Variants in STXBP4 observed in about 807,000 individuals in gnomAD.
STXBP4 encodes syntaxin-binding protein 4.
Under a neutral mutation model 76.1 loss-of-function variants are expected in STXBP4, and 55 were observed. That is an observed-to-expected ratio of 0.72 (90% CI 0.58 to 0.91). The LOEUF is 0.91. STXBP4 is among the 40% of genes least tolerant of loss of function. The pLI is 0.00. For synonymous variants in STXBP4, 201 were observed against 220.2 expected, an observed-to-expected ratio of 0.91 and a Z score of 0.77; for missense variants, 618 against 636.9, an observed-to-expected ratio of 0.97 and a Z score of 0.32.
chr17:55,139,132 G>A (rs2080067070), intron 16 of STXBP4, among the ~76,000 whole-genome samples: 1 of 152,032 alleles, frequency 6.6e-6, no homozygotes, highest in Non-Finnish European at 1.5e-5. Flanking sequence ...CTGTGAATTA[G>A]TACCTTTATA....
chr17:55,081,117 C>A lies in STXBP4; in HGVS notation c.1423C>A (p.Pro475Thr). ...ACTGGGAAGGAATGGACGTAGCATC[C>A]CAGCAACGCTGGCGCTTGAATCTAA... is the stretch of plus-strand genomic sequence containing the variant. The part of the protein sequence containing the change: ...TPLGRNGRSI[P>T]ATLALESKEL... The change falls in exon 16 of 18, where the codon CCA becomes ACA. Residue 475 changes from proline (P) to threonine (T), a missense_variant. Physicochemically the swap from Pro to Thr is conservative, Grantham distance 38. Transcript: ENST00000376352. The A allele has an allele frequency of 6.4e-7, 1 of 1,556,526 alleles. No homozygotes were observed. Among genetic ancestry groups the A allele is most frequent in the Non-Finnish European group, 8.7e-7 (1 of 1,155,222 alleles).
At chr17:55,202,578 G>C in the STXBP4 span, among the ~76,000 whole-genome samples, 2 of 151,984 alleles carry the variant, frequency 1.3e-5, no homozygotes, top group Non-Finnish European at 2.9e-5. Flanking sequence ...GTAGTAAGAG[G>C]AATAAAACTG....
intron 8 of STXBP4, among the ~76,000 whole-genome samples, chr17:55,013,408 A>G (rs1457988817): frequency 1.3e-5 from 2 of 152,240 alleles, no homozygotes; most frequent in South Asian, 2.1e-4. Flanking sequence ...ATTACTGTAT[A>G]TAATGGCCTG....
intron 1 of STXBP4, among the ~76,000 whole-genome samples, chr17:54,985,217 C>T (rs1440846807): frequency 2.0e-5 from 3 of 152,156 alleles, no homozygotes; most frequent in Non-Finnish European, 4.4e-5. Flanking sequence ...CCTACTGTAC[C>T]TCTGTAGAAA....
chr17:55,147,442 C>T (rs2080170026), intron 17 of STXBP4, among the ~76,000 whole-genome samples: 1 of 152,206 alleles, frequency 6.6e-6, no homozygotes. Flanking sequence ...GAGCTCCTAA[C>T]AGGTCATGTA....
chr17:55,211,819 T>G, the STXBP4 span, among the ~76,000 whole-genome samples: 4 of 132,064 alleles, frequency 3.0e-5, no homozygotes, highest in African/African-American at 1.2e-4. Context: ...TTTTTTTTTT[T>G]TTTTTTTTTG....
chr17:55,159,087 A>G (rs1056552472), intron 17 of STXBP4, among the ~76,000 whole-genome samples: 1 of 152,218 alleles, frequency 6.6e-6, no homozygotes, highest in African/African-American at 2.4e-5. Flanking sequence ...TCTACTAATA[A>G]TACAAAAATT....
chr17:55,136,161 A>G (rs1040845729), intron 16 of STXBP4, among the ~76,000 whole-genome samples: 10 of 152,216 alleles, frequency 6.6e-5, no homozygotes, highest in Non-Finnish European at 1.3e-4. Context: ...AGTAGAAAGC[A>G]CTATGTAAAC....
At chr17:55,072,501 T>A (rs950112304) in intron 12 of STXBP4, among the ~76,000 whole-genome samples, 17 of 152,176 alleles carry the variant, frequency 1.1e-4, no homozygotes, top group African/African-American at 3.9e-4. Context: ...TACAAATCTC[T>A]CAGCAGCATC....
At chr17:55,098,895 A>G (rs989620741) in intron 16 of STXBP4, among the ~76,000 whole-genome samples, 2 of 152,192 alleles carry the variant, frequency 1.3e-5, no homozygotes, top group Admixed American at 1.3e-4. Flanking sequence ...CTTTACCACA[A>G]TTAGCTAACA....
intron 8 of STXBP4, among the ~76,000 whole-genome samples, chr17:55,009,801 C>A (rs1461002192): frequency 6.6e-6 from 1 of 151,940 alleles, no homozygotes; most frequent in Admixed American, 6.6e-5. Flanking sequence ...CATCTATCCA[C>A]CCAAATTATT....
chr17:55,055,667 A>G (rs900438715), intron 12 of STXBP4, among the ~76,000 whole-genome samples: 2 of 152,196 alleles, frequency 1.3e-5, no homozygotes, highest in Non-Finnish European at 2.9e-5. Context: ...GAGGGCCTAC[A>G]TGACCTGCTG....
chr17:55,040,354 G>A (rs1236598663), intron 10 of STXBP4, among the ~76,000 whole-genome samples: 1 of 152,102 alleles, frequency 6.6e-6, no homozygotes, highest in East Asian at 1.9e-4. Flanking sequence ...AAAGAGAAAA[G>A]AAGATACCCA....
intron 8 of STXBP4, among the ~76,000 whole-genome samples, chr17:55,014,352 G>C (rs959607194): frequency 2.0e-5 from 3 of 152,126 alleles, no homozygotes; most frequent in Non-Finnish European, 4.4e-5. Context: ...CCCTGCTTTT[G>C]CTAGAATGTC....
chr17:55,156,100 G>A (rs989351946), intron 17 of STXBP4, among the ~76,000 whole-genome samples: 13 of 152,282 alleles, frequency 8.5e-5, no homozygotes, highest in African/African-American at 2.6e-4. Flanking sequence ...CTCTTTAGGA[G>A]AATTTGCCAG....
At chr17:55,006,343 C>T (rs1468362160) in intron 7 of STXBP4, among the ~76,000 whole-genome samples, 1 of 152,106 alleles carries the variant, frequency 6.6e-6, no homozygotes, top group Non-Finnish European at 1.5e-5. Context: ...TACTTAGAGA[C>T]AGATGCTCTG....
At chr17:55,126,098 C>A (rs1465698396) in intron 16 of STXBP4, among the ~76,000 whole-genome samples, 2 of 152,030 alleles carry the variant, frequency 1.3e-5, no homozygotes, top group Non-Finnish European at 2.9e-5. Context: ...AAATGACCTG[C>A]CAAAACAAAA....
At chr17:55,004,078 C>A (rs1198882640) in intron 7 of STXBP4, among the ~76,000 whole-genome samples, 1 of 151,622 alleles carries the variant, frequency 6.6e-6, no homozygotes, top group African/African-American at 2.4e-5. Flanking sequence ...ACTCGGGAGG[C>A]TAAGGCAGGA....
intron 12 of STXBP4, among the ~76,000 whole-genome samples, chr17:55,051,629 G>A (rs150347798): frequency 2.0e-4 from 30 of 152,188 alleles, no homozygotes; most frequent in African/African-American, 7.0e-4. Flanking sequence ...GTGATGGTAT[G>A]CATCTATAGT....
Sources: gnomAD v4.1 joint callset for allele counts (sites outside exome capture counted in the v4.1 genomes callset) on GRCh38, gnomAD v4.1.1 for gene constraint, MANE v1.5 for transcripts, NCBI Gene and HGNC (gene_info 2026-07-23, HGNC 2026-07-21) for gene names.